Variants in NRP1 observed in about 807,000 individuals in gnomAD.
The protein encoded by NRP1 is neuropilin 1.
Under a neutral mutation model 106.7 loss-of-function variants are expected in NRP1, and 35 were observed. The ratio of observed to expected loss-of-function variants is 0.33; its 90% CI spans 0.25 to 0.43. The LOEUF is 0.43. Ranked by LOEUF, NRP1 falls within the 20% of genes least tolerant of loss-of-function variation. NRP1 has a pLI of 1.00. For missense variants in NRP1, 1,024 were observed against 1,170.4 expected (o/e 0.87, Z 1.83); for synonymous variants, 437 against 417.9 (o/e 1.05, Z -0.56).
At chr10:33,303,591 C>A (rs1281171616) in intron 2 of NRP1, among the ~76,000 whole-genome samples, 1 of 152,100 alleles carries the variant, frequency 6.6e-6, no homozygotes, top group African/African-American at 2.4e-5. Flanking sequence ...AATAAGGAAA[C>A]AAAATGATGA....
rs184422227 is a variant in NRP1, at chr10:33,307,684, A to G, written c.248+23024T>C. 6.6e-5 allele frequency among the ~76,000 whole-genome samples: 10 copies of G among 152,340 alleles called. No individual in the cohort carries two copies. The East Asian group carries it at 1.7e-3, about 26-fold the overall frequency. On this transcript the variant is annotated intron_variant, in intron 2 of 16. Coordinates refer to ENST00000374867, the MANE Select transcript of NRP1 (RefSeq NM_003873.7). Reference sequence around the variant, plus strand: ...AATCCCTAAGCATACATCAAGATTTATGCATACAGATGTTCATTCCATCAT... The same window carrying G: ...AATCCCTAAGCATACATCAAGATTTGTGCATACAGATGTTCATTCCATCAT...
intron 4 of NRP1, among the ~76,000 whole-genome samples, chr10:33,262,274 C>T (rs1483196590): frequency 6.6e-6 from 1 of 152,186 alleles, no homozygotes; most frequent in Non-Finnish European, 1.5e-5. Context: ...CCCCTCTGTT[C>T]AGAATTTCAC....
chr10:33,192,591 A>G (rs1020134053), intron 12 of NRP1, among the ~76,000 whole-genome samples, 173 bp from the exon 13 acceptor site: 2 of 152,192 alleles, frequency 1.3e-5, no homozygotes, highest in Non-Finnish European at 2.9e-5. Context: ...ATGCATGGAG[A>G]TGTCAAAATG....
At chr10:33,253,061 A>AATG (rs1841973367) in intron 6 of NRP1, among the ~76,000 whole-genome samples, 1 of 152,022 alleles carries the variant, frequency 6.6e-6, no homozygotes, top group Admixed American at 6.5e-5. Flanking sequence ...CTAGCAATAA[A>AATG]CGTAAGACAG....
chr10:33,263,598 C>T (rs776975194), intron 4 of NRP1, 48 bp downstream of exon 4: 2 of 1,402,858 alleles, frequency 1.4e-6, no homozygotes, highest in South Asian at 2.4e-5. Flanking sequence ...ATACTGGTGC[C>T]CTTCCTCCAG....
chr10:33,294,475 G>C (rs1165742563), intron 2 of NRP1, among the ~76,000 whole-genome samples: 1 of 151,840 alleles, frequency 6.6e-6, no homozygotes, highest in African/African-American at 2.4e-5. Flanking sequence ...AAATTAGCCG[G>C]TCATTGGTGG....
intron 12 of NRP1, 101 bp from the exon 13 acceptor site, chr10:33,192,519 T>G: frequency 8.3e-7 from 1 of 1,201,790 alleles, no homozygotes; most frequent in Non-Finnish European, 1.2e-6. Flanking sequence ...AAAGCACGAT[T>G]TATACAACTT....
At chr10:33,240,224 T>G (rs958328375) in intron 6 of NRP1, among the ~76,000 whole-genome samples, 2 of 152,088 alleles carry the variant, frequency 1.3e-5, no homozygotes, top group Admixed American at 6.6e-5. Flanking sequence ...CCTCTCCAGG[T>G]TTTCAGCAGT....
At chr10:33,276,967 A>T (rs776734460) in intron 2 of NRP1, among the ~76,000 whole-genome samples, 1 of 152,048 alleles carries the variant, frequency 6.6e-6, no homozygotes, top group Non-Finnish European at 1.5e-5. Context: ...TTAGCAGGGT[A>T]TGGTGGCTTG....
chr10:33,333,748 C>A (rs897911166), intron 1 of NRP1, among the ~76,000 whole-genome samples: 1 of 152,202 alleles, frequency 6.6e-6, no homozygotes, highest in Non-Finnish European at 1.5e-5. Context: ...TGGTGCCTTA[C>A]ACTGTATATG....
chr10:33,237,491 A>G lies in NRP1; in HGVS notation c.982-11202T>C, dbSNP rs555742620. On this transcript the variant is annotated intron_variant, in intron 6 of 16. Coordinates refer to ENST00000374867, the MANE Select transcript of NRP1 (RefSeq NM_003873.7). Reference sequence around the variant, plus strand: ...AGAAGAAACACACATGCGCGCGCACACACACACACACACACACACACACAC... The same window carrying G: ...AGAAGAAACACACATGCGCGCGCACGCACACACACACACACACACACACAC... 6.7e-3 allele frequency among the ~76,000 whole-genome samples: 794 copies of G among 117,672 alleles called. 3 individuals carry two copies. The highest frequency in any genetic ancestry group is 0.016 in the African/African-American group (560 of 35,194). 77.2% of individuals were successfully genotyped at this position (117,672 alleles called of 152,430 possible).
chr10:33,318,216 T>A (rs1186853469), intron 2 of NRP1, among the ~76,000 whole-genome samples: 1 of 152,218 alleles, frequency 6.6e-6, no homozygotes, highest in Non-Finnish European at 1.5e-5. Context: ...ACCTGGTCAC[T>A]GTCACATCTT....
Position 33,273,294 on chromosome 10 carries a change from G to A in NRP1, c.249-2438C>T, listed in dbSNP as rs558840287. ...AATAGTATCGCAAATAGCAGCTCCT[G>A]TAAATATTCAGGAGGGTGTACTGCG... On this transcript the variant is annotated intron_variant, in intron 2 of 16. Transcript: ENST00000374867. Among the ~76,000 whole-genome samples the A allele has an allele frequency of 2.6e-4, 40 of 152,308 alleles. No homozygotes were observed. The South Asian group carries it at 4.1e-3, about 16-fold the overall frequency.
At chr10:33,212,511 A>T (rs183044304) in intron 9 of NRP1, 2 of 152,258 alleles carry the variant, frequency 1.3e-5, no homozygotes, top group Non-Finnish European at 2.9e-5. Flanking sequence ...GGCTGGGGGC[A>T]GGGGGACTGG....
chr10:33,214,357 C>A (rs1031699292), intron 8 of NRP1, among the ~76,000 whole-genome samples: 1 of 152,156 alleles, frequency 6.6e-6, no homozygotes, highest in Non-Finnish European at 1.5e-5. Flanking sequence ...CAGTCCTTTC[C>A]CCTGGATACT....
At chr10:33,321,495 C>T (rs1321057870) in intron 2 of NRP1, among the ~76,000 whole-genome samples, 5 of 152,170 alleles carry the variant, frequency 3.3e-5, no homozygotes, top group East Asian at 1.9e-4. Flanking sequence ...TCAGCCTTAG[C>T]TCCTCCAGGT....
At chr10:33,280,459 T>C (rs1357963196) in intron 2 of NRP1, among the ~76,000 whole-genome samples, 1 of 152,154 alleles carries the variant, frequency 6.6e-6, no homozygotes, top group Non-Finnish European at 1.5e-5. Context: ...ATTAACATCA[T>C]TTATAACTTG....
chr10:33,248,320 G>A (rs11009319), intron 6 of NRP1, among the ~76,000 whole-genome samples: 26,732 of 152,084 alleles, frequency 0.18, 2,784 homozygotes, highest in East Asian at 0.51. Flanking sequence ...AGGGAAGAGC[G>A]CTATGGAAAC....
rs1174759895 is a variant in NRP1, at chr10:33,319,447, A to G, written c.248+11261T>C. ...GGACATGGGTGGGGACAAACAAGGG[A>G]ATAAAAACTGGCCCCCTAATCTCTG... On this transcript the variant is annotated intron_variant, in intron 2 of 16. Coordinates refer to ENST00000374867, the MANE Select transcript of NRP1 (RefSeq NM_003873.7). Among the ~76,000 whole-genome samples the G allele has an allele frequency of 2.6e-5, 4 of 152,090 alleles. No individual in the cohort carries two copies. In the East Asian group the frequency reaches 7.7e-4, roughly 29 times the overall value.
Sources: gnomAD v4.1 joint callset for allele counts (sites outside exome capture counted in the v4.1 genomes callset) on GRCh38, gnomAD v4.1.1 for gene constraint, MANE v1.5 for transcripts, NCBI Gene and HGNC (gene_info 2026-07-23, HGNC 2026-07-21) for gene names.